SHISA9: variants seen among roughly 807,000 people sequenced by gnomAD.
The protein encoded by SHISA9 is shisa family member 9.
In SHISA9, 13 loss-of-function variants were observed where a neutral mutation model predicts 38.0. The observed-to-expected ratio is 0.34, with a 90% CI of 0.22 to 0.54. The LOEUF (loss-of-function observed/expected upper bound fraction) is 0.54, where lower values mean the gene tolerates loss of function less well. SHISA9 is among the 20% of genes least tolerant of loss of function. The pLI is 0.91. For missense variants in SHISA9, 538 were observed against 575.8 expected, an observed-to-expected ratio of 0.93 and a Z score of 0.67; for synonymous variants, 275 against 242.0, an observed-to-expected ratio of 1.14 and a Z score of -1.27.
At chr16:13,539,417 C>A in the SHISA9 span, among the ~76,000 whole-genome samples, 1 of 141,540 alleles carries the variant, frequency 7.1e-6, no homozygotes, top group South Asian at 2.4e-4. Flanking sequence ...CTCAAGCAAG[C>A]CTCCTGCTTT....
the SHISA9 span, among the ~76,000 whole-genome samples, chr16:13,487,152 G>A: frequency 6.6e-6 from 1 of 152,184 alleles, no homozygotes; most frequent in Non-Finnish European, 1.5e-5. Flanking sequence ...CTATCTGAGA[G>A]GGATTTGTTC....
chr16:13,001,009 A>T (rs950228947), intron 2 of SHISA9, among the ~76,000 whole-genome samples: 1 of 151,792 alleles, frequency 6.6e-6, no homozygotes, highest in African/African-American at 2.4e-5. Flanking sequence ...CTCACTGCCA[A>T]CTCCGCGTCC....
chr16:13,266,384 G>T, the SHISA9 span, among the ~76,000 whole-genome samples: 4 of 152,088 alleles, frequency 2.6e-5, no homozygotes, highest in East Asian at 7.7e-4. Context: ...GCTTTCCCCA[G>T]TCTAGGACTA....
chr16:13,515,185 G>A, the SHISA9 span, among the ~76,000 whole-genome samples: 1 of 152,086 alleles, frequency 6.6e-6, no homozygotes, highest in African/African-American at 2.4e-5. Context: ...AACTACAAGT[G>A]TGCTAAAAAA....
chr16:13,127,205 G>A (rs1434521929), intron 2 of SHISA9, among the ~76,000 whole-genome samples: 1 of 138,748 alleles, frequency 7.2e-6, no homozygotes, highest in Admixed American at 7.1e-5. Flanking sequence ...AAGAAAGAGG[G>A]AGAGAGGGAA....
chr16:12,902,835 C>CGT, intron 1 of SHISA9: 14 of 583,632 alleles, frequency 2.4e-5, no homozygotes, highest in Non-Finnish European at 3.3e-5. Context: ...TGAGCGTGTT[C>CGT]GTGTGTGTGT....
chr16:13,383,081 C>G, the SHISA9 span, among the ~76,000 whole-genome samples: 2 of 152,150 alleles, frequency 1.3e-5, no homozygotes, highest in African/African-American at 4.8e-5. Context: ...AACTTACATT[C>G]TCATGGGTGG....
At chr16:13,524,643 C>G in the SHISA9 span, among the ~76,000 whole-genome samples, 1 of 152,210 alleles carries the variant, frequency 6.6e-6, no homozygotes, top group Non-Finnish European at 1.5e-5. Flanking sequence ...ACTACGGCCT[C>G]AAACTCCTGG....
At chr16:13,490,497 C>T in the SHISA9 span, among the ~76,000 whole-genome samples, 1 of 152,274 alleles carries the variant, frequency 6.6e-6, no homozygotes, top group Non-Finnish European at 1.5e-5. Flanking sequence ...CCCGTGAGGT[C>T]AAGGCTGCAG....
chr16:13,199,452 T>A (rs1048999195), intron 2 of SHISA9, among the ~76,000 whole-genome samples: 3 of 152,222 alleles, frequency 2.0e-5, no homozygotes, highest in Non-Finnish European at 4.4e-5. Flanking sequence ...CTCTGGTCAG[T>A]TTCAGCTTCC....
chr16:13,536,795 A>G, the SHISA9 span, among the ~76,000 whole-genome samples: 1 of 152,360 alleles, frequency 6.6e-6, no homozygotes, highest in South Asian at 2.1e-4. Flanking sequence ...TAGTCAGATA[A>G]TAAAAGATTT....
chr16:13,081,387 T>A (rs989843745), intron 2 of SHISA9, among the ~76,000 whole-genome samples: 2 of 152,000 alleles, frequency 1.3e-5, no homozygotes, highest in Non-Finnish European at 2.9e-5. Flanking sequence ...TGTAAAAGGG[T>A]CAGGCGAGGC....
chr16:12,935,924 G>A (rs2071526259), intron 2 of SHISA9, among the ~76,000 whole-genome samples: 1 of 151,832 alleles, frequency 6.6e-6, no homozygotes. Context: ...GAGTGGACAT[G>A]AGGGCCAGGA....
At chr16:13,143,801 G>A (rs1422308959) in intron 2 of SHISA9, among the ~76,000 whole-genome samples, 2 of 152,160 alleles carry the variant, frequency 1.3e-5, no homozygotes, top group Admixed American at 6.5e-5. Context: ...GACTCATAAG[G>A]ACCAATTGCT....
At chr16:13,469,040 TAAGAGCAGCCTGG>T in the SHISA9 span, among the ~76,000 whole-genome samples, 1 of 151,362 alleles carries the variant, frequency 6.6e-6, no homozygotes, top group Non-Finnish European at 1.5e-5. Context: ...GTCAGGAGTT[TAAGAGCAGCCTGG>T]CCACATGGTG....
At chr16:12,931,611 C>T (rs1385575666) in intron 2 of SHISA9, among the ~76,000 whole-genome samples, 1 of 152,216 alleles carries the variant, frequency 6.6e-6, no homozygotes, top group Admixed American at 6.5e-5. Context: ...CCACAAAGGA[C>T]ATGATTTCAT....
chr16:13,296,727 C>T, the SHISA9 span, among the ~76,000 whole-genome samples: 1 of 151,574 alleles, frequency 6.6e-6, no homozygotes, highest in African/African-American at 2.4e-5. Context: ...TCCGTCTCTA[C>T]TAAAAATACA....
intron 2 of SHISA9, among the ~76,000 whole-genome samples, chr16:13,175,203 CA>C (rs549571777): frequency 3.2e-4 from 43 of 134,660 alleles, no homozygotes; most frequent in Admixed American, 5.3e-4. Context: ...CCCGTCTCTC[CA>C]AAAAAAAAAG....
chr16:13,229,044 T>C (rs1434576963), intron 4 of SHISA9, among the ~76,000 whole-genome samples: 3 of 152,168 alleles, frequency 2.0e-5, no homozygotes, highest in Non-Finnish European at 4.4e-5. Flanking sequence ...CCTGGAATCC[T>C]AGCTACTTGG....
Sources: allele counts gnomAD v4.1 joint callset (sites outside exome capture counted in the v4.1 genomes callset), GRCh38; gene constraint gnomAD v4.1.1; transcripts MANE v1.5; gene names NCBI Gene and HGNC (gene_info 2026-07-23, HGNC 2026-07-21).